FBXO36: variants seen among roughly 807,000 people sequenced by gnomAD.
FBXO36 encodes the protein F-box protein 36.
Under a neutral mutation model 17.0 loss-of-function variants are expected in FBXO36, and 18 were observed. That is an observed-to-expected ratio of 1.06 (90% CI 0.73 to 1.57). The LOEUF is 1.57. Among genes scored for constraint, FBXO36 ranks in the 40% most tolerant of loss-of-function variants. The pLI, the probability that FBXO36 is intolerant of heterozygous loss-of-function variation, is 0.00. For synonymous variants in FBXO36, 83 were observed against 85.3 expected, an observed-to-expected ratio of 0.97 and a Z score of 0.15; for missense variants, 229 against 221.9, an observed-to-expected ratio of 1.03 and a Z score of -0.20.
intron 1 of FBXO36, among the ~76,000 whole-genome samples, chr2:229,928,973 A>C (rs1261685246): frequency 6.9e-6 from 1 of 144,854 alleles, no homozygotes; most frequent in African/African-American, 2.5e-5. Flanking sequence ...TTTTCTTTTC[A>C]TTTTTTTTTT....
intron 1 of FBXO36, among the ~76,000 whole-genome samples, chr2:229,933,986 C>A (rs1322315785): frequency 6.6e-6 from 1 of 150,752 alleles, no homozygotes; most frequent in Non-Finnish European, 1.5e-5. Flanking sequence ...GTGCCCAGCC[C>A]CCCTTTAAAA....
At chr2:229,932,371 T>A (rs565039953) in intron 1 of FBXO36, among the ~76,000 whole-genome samples, 4 of 152,074 alleles carry the variant, frequency 2.6e-5, no homozygotes, top group African/African-American at 9.6e-5. Context: ...AAGTACAAAA[T>A]TAGCCTGGTG....
chr2:229,975,574 A>G (rs2077203277), intron 1 of FBXO36, among the ~76,000 whole-genome samples: 2 of 149,850 alleles, frequency 1.3e-5, no homozygotes, highest in South Asian at 2.1e-4. Flanking sequence ...TCACGGGCTC[A>G]GGGGATCCTC....
intron 1 of FBXO36, among the ~76,000 whole-genome samples, chr2:229,944,777 T>A (rs1176769134): frequency 3.3e-4 from 50 of 151,868 alleles, no homozygotes; most frequent in African/African-American, 1.2e-3. Context: ...GTATTTTTAG[T>A]AGAGACGGGG....
At chr2:229,976,450 T>A (rs1347814270) in intron 2 of FBXO36, 101 bp downstream of exon 2, 2 of 775,322 alleles carry the variant, frequency 2.6e-6, no homozygotes, top group Admixed American at 2.2e-5. Context: ...GAAATATTGA[T>A]ATGCAGTTAT....
intron 2 of FBXO36, among the ~76,000 whole-genome samples, chr2:229,984,897 G>C: frequency 6.6e-6 from 1 of 152,102 alleles, no homozygotes; most frequent in East Asian, 1.9e-4. Context: ...ATCTATATCT[G>C]CACACTTACA....
intron 1 of FBXO36, among the ~76,000 whole-genome samples, chr2:229,960,987 A>C (rs1313810597): frequency 6.6e-6 from 1 of 152,070 alleles, no homozygotes; most frequent in African/African-American, 2.4e-5. Flanking sequence ...CGGGCACCAT[A>C]ATCCCAGCTA....
intron 1 of FBXO36, among the ~76,000 whole-genome samples, chr2:229,924,333 T>A (rs1271133534): frequency 6.6e-6 from 1 of 152,194 alleles, no homozygotes; most frequent in East Asian, 1.9e-4. Flanking sequence ...CCTCAGGTGA[T>A]CCAGCTGCCT....
At chr2:229,960,963 G>A (rs2077117591) in intron 1 of FBXO36, among the ~76,000 whole-genome samples, 1 of 152,078 alleles carries the variant, frequency 6.6e-6, no homozygotes, top group South Asian at 2.1e-4. Flanking sequence ...ACAAAAATTA[G>A]CTGGGTGTGG....
intron 1 of FBXO36, among the ~76,000 whole-genome samples, chr2:229,952,501 A>T (rs1042820614): frequency 6.6e-6 from 1 of 152,202 alleles, no homozygotes; most frequent in Non-Finnish European, 1.5e-5. Context: ...CCCATGAGGC[A>T]TCCTCAGCTT....
At chr2:229,969,082 T>C (rs1257465984) in intron 1 of FBXO36, among the ~76,000 whole-genome samples, 2 of 152,162 alleles carry the variant, frequency 1.3e-5, no homozygotes, top group East Asian at 3.8e-4. Context: ...TAAATTTATA[T>C]ACCCCTTATA....
At position 229,922,519 on chromosome 2, in the gene FBXO36, G is replaced by C. The variant is rs758158081; in HGVS notation, c.6G>C (p.Ala2=). 2 of 1,613,838 alleles carry C rather than the reference G, an allele frequency of 1.2e-6. No individual in the cohort carries two copies. Among genetic ancestry groups the C allele is most frequent in the East Asian group, 4.5e-5 (2 of 44,840 alleles). The change falls in exon 1 of 4, where the codon GCG becomes GCC. Residue 2 remains alanine (A), a synonymous_variant. Coordinates refer to ENST00000283946, the MANE Select transcript of FBXO36 (RefSeq NM_174899.5). M[A]SWLPETLFET... Reference sequence around the variant, plus strand: ...GACGGCGGTGGCGTCCCAAGATGGCGTCGTGGCTGCCGGAGACTCTCTTTG... The same window carrying C: ...GACGGCGGTGGCGTCCCAAGATGGCCTCGTGGCTGCCGGAGACTCTCTTTG...
chr2:229,940,826 A>T (rs1000744343), intron 1 of FBXO36, among the ~76,000 whole-genome samples: 1 of 152,202 alleles, frequency 6.6e-6, no homozygotes, highest in African/African-American at 2.4e-5. Flanking sequence ...TTCTATCCCC[A>T]GAATCGTGAG....
At chr2:229,953,407 G>T (rs1375500277) in intron 1 of FBXO36, among the ~76,000 whole-genome samples, 4 of 151,806 alleles carry the variant, frequency 2.6e-5, no homozygotes, top group Non-Finnish European at 5.9e-5. Context: ...CAGGTGTGGT[G>T]GCTCTTGCCT....
At chr2:229,998,309 A>C (rs1395347930) in intron 3 of FBXO36, among the ~76,000 whole-genome samples, 1 of 152,090 alleles carries the variant, frequency 6.6e-6, no homozygotes, top group Middle Eastern at 3.2e-3. Context: ...CCATCTCCAC[A>C]GTACATTTTT....
intron 1 of FBXO36, among the ~76,000 whole-genome samples, chr2:229,963,023 A>G (rs2077131626): frequency 1.3e-5 from 2 of 151,094 alleles, no homozygotes; most frequent in South Asian, 4.2e-4. Flanking sequence ...CTCCTTTGTG[A>G]GGTTATGTCA....
intron 1 of FBXO36, among the ~76,000 whole-genome samples, chr2:229,964,555 T>C (rs2077140937): frequency 6.6e-6 from 1 of 152,278 alleles, no homozygotes; most frequent in South Asian, 2.1e-4. Context: ...AGTCTCGCTC[T>C]GTCACCCAGG....
intron 1 of FBXO36, among the ~76,000 whole-genome samples, chr2:229,964,604 T>C (rs1009639734): frequency 6.6e-6 from 1 of 152,242 alleles, no homozygotes; most frequent in African/African-American, 2.4e-5. Flanking sequence ...TACCACAGCC[T>C]CCACCTCCCG....
chr2:229,991,973 G>A (rs1577358678), intron 2 of FBXO36, among the ~76,000 whole-genome samples: 1 of 152,268 alleles, frequency 6.6e-6, no homozygotes, highest in East Asian at 1.9e-4. Flanking sequence ...TTTGACAGCT[G>A]AAGAGGCAGA....
Sources: gnomAD v4.1 joint callset for allele counts (sites outside exome capture counted in the v4.1 genomes callset) on GRCh38, gnomAD v4.1.1 for gene constraint, MANE v1.5 for transcripts, NCBI Gene and HGNC (gene_info 2026-07-23, HGNC 2026-07-21) for gene names.